XXYLT1: variants seen among roughly 807,000 people sequenced by gnomAD.
The protein encoded by XXYLT1 is UDP-xylose:alpha-xyloside alpha-1,3-xylosyltransferase.
XXYLT1 carries 20 observed loss-of-function variants against 28.9 expected under a neutral mutation model. That is an observed-to-expected ratio of 0.69 (90% CI 0.49 to 1.00). XXYLT1 has a LOEUF of 1.00. Among genes scored for constraint, XXYLT1 ranks in the 50% least tolerant of loss-of-function variants. The pLI, the probability that XXYLT1 is intolerant of heterozygous loss-of-function variation, is 0.00. For missense variants in XXYLT1, 542 were observed against 560.1 expected (o/e 0.97, Z 0.33); for synonymous variants, 257 against 253.8 (o/e 1.01, Z -0.12).
At chr3:195,203,326 A>G (rs781402886) in intron 2 of XXYLT1, among the ~76,000 whole-genome samples, 2 of 152,180 alleles carry the variant, frequency 1.3e-5, no homozygotes, top group Non-Finnish European at 2.9e-5. Context: ...ATGAAAGGAG[A>G]TCCAATTTCA....
In XXYLT1 at chr3:195,176,218, C is replaced by T. The variant is rs188753405; in HGVS notation, c.653-19637G>A. Reference sequence around the variant, plus strand: ...ACTACAGGTGTGTACCACCATGCCCCGCTAATTTCTGTATTTTTTGTAGAG... The same window carrying T: ...ACTACAGGTGTGTACCACCATGCCCTGCTAATTTCTGTATTTTTTGTAGAG... On this transcript the variant is annotated intron_variant, in intron 2 of 3. Coordinates refer to ENST00000310380, the MANE Select transcript of XXYLT1 (RefSeq NM_152531.5). The surrounding 1 kb of genome is among the most constrained non-coding windows in gnomAD (Gnocchi z 4.9). Among the ~76,000 whole-genome samples, 648 of 152,244 alleles carry T rather than the reference C, an allele frequency of 4.3e-3. 1 individual carries two copies. The highest frequency in any genetic ancestry group is 0.024 in the Middle Eastern group (7 of 294).
intron 3 of XXYLT1, among the ~76,000 whole-genome samples, chr3:195,140,238 C>G (rs1719413346): frequency 6.6e-6 from 1 of 152,202 alleles, no homozygotes; most frequent in Admixed American, 6.5e-5. Flanking sequence ...GGAATTATGG[C>G]CAAATCCCAG....
At chr3:195,096,132 CCA>C (rs1446407394) in intron 3 of XXYLT1, 1 of 152,338 alleles carries the variant, frequency 6.6e-6, no homozygotes, top group African/African-American at 2.4e-5. Flanking sequence ...CCACGGCTCT[CCA>C]CACACAGACA....
At chr3:195,110,270 TGGTGTGTGTGGG>T (rs1717493724) in intron 3 of XXYLT1, among the ~76,000 whole-genome samples, 2 of 30,908 alleles carry the variant, frequency 6.5e-5, no homozygotes, top group African/African-American at 2.4e-4. Context: ...TGTGGGTGTG[TGGTGTGTGTGGG>T]GTGTATGTGT....
Position 195,168,037 on chromosome 3 carries a change from T to C in XXYLT1, c.653-11456A>G, listed in dbSNP as rs1220467728. Among the ~76,000 whole-genome samples the C allele has an allele frequency of 1.3e-5, 2 of 152,216 alleles. No individual in the cohort carries two copies. The highest frequency in any genetic ancestry group is 2.9e-5 in the Non-Finnish European group (2 of 68,040). On this transcript the variant is annotated intron_variant, in intron 2 of 3. Transcript: ENST00000310380. The surrounding 1 kb of genome is among the most constrained non-coding windows in gnomAD (Gnocchi z 4.3). The stretch of plus-strand genomic sequence containing the variant: ...TTGTTTTTTTAAACAACTGTTGACA[T>C]GGGCTCTCCATTATTTCACAAAATA...
rs10642594 is a variant in XXYLT1 at position 195,176,961 on chromosome 3, T to TCCC, written c.653-20383_653-20381dup. 3.8e-4 allele frequency among the ~76,000 whole-genome samples: 58 copies of TCCC among 151,788 alleles called. No homozygotes were observed. The highest frequency in any genetic ancestry group is 1.4e-3 in the African/African-American group (57 of 41,430). ...CCCCGGCCTGCTGCCGCTGCTGACG[T>TCCC]CCCCCCGCCACAGCAGGTCGGGGAC... On this transcript the variant is annotated intron_variant, in intron 2 of 3. Transcript: ENST00000310380. This position sits in a 1 kb window ranked among gnomAD's most constrained non-coding sequence, Gnocchi z 4.9.
In XXYLT1 at chr3:195,159,652, G is replaced by A. The variant is rs139797941; in HGVS notation, c.653-3071C>T. ...CCAAGACCCTGTCACCATCATTGCC[G>A]TCACGGCCCTGGCAGCACTCCTCAG... On this transcript the variant is annotated intron_variant, in intron 2 of 3. Transcript: ENST00000310380. 2.2e-4 allele frequency among the ~76,000 whole-genome samples: 34 copies of A among 152,280 alleles called. No individual in the cohort carries two copies. The East Asian group carries it at 5.8e-3, about 26-fold the overall frequency.
At chr3:195,227,082 T>A (rs981018428) in intron 1 of XXYLT1, among the ~76,000 whole-genome samples, 1 of 151,806 alleles carries the variant, frequency 6.6e-6, no homozygotes, top group Non-Finnish European at 1.5e-5. Flanking sequence ...GTGTGAGGGG[T>A]GGCATGCAGG....
intron 3 of XXYLT1, among the ~76,000 whole-genome samples, chr3:195,119,003 C>A (rs1157595909): frequency 6.6e-6 from 1 of 151,990 alleles, no homozygotes. Flanking sequence ...TAAGCCCAGG[C>A]GCGGTGGCTC....
At chr3:195,085,276 G>A (rs948676858) in intron 3 of XXYLT1, among the ~76,000 whole-genome samples, 1 of 152,168 alleles carries the variant, frequency 6.6e-6, no homozygotes, top group African/African-American at 2.4e-5. Flanking sequence ...CACCCCTTCC[G>A]ACCTCTCCAA....
rs1463810024 is a variant in XXYLT1, at chr3:195,068,300, A to G, written c.*1415T>C. 1 of 152,148 alleles carries G rather than the reference A, an allele frequency of 6.6e-6. No individual in the cohort carries two copies. The highest frequency in any genetic ancestry group is 6.6e-5 in the Admixed American group (1 of 15,262). 9.4% of individuals were successfully genotyped at this position (152,148 alleles called of 1,614,324 possible). ...ATCACCATGTTCTCAAAGATGATTT[A>G]TTGGCTATCCTCACTCATGGGAAAA... On this transcript the variant is annotated 3_prime_UTR_variant, in exon 4 of 4. Coordinates refer to ENST00000310380, the MANE Select transcript of XXYLT1 (RefSeq NM_152531.5).
At chr3:195,172,682 G>A (rs1406815277) in intron 2 of XXYLT1, among the ~76,000 whole-genome samples, 8 of 152,152 alleles carry the variant, frequency 5.3e-5, no homozygotes, top group Non-Finnish European at 1.0e-4. Context: ...TAAGTGTTTC[G>A]GAGAAAATAA....
intron 2 of XXYLT1, among the ~76,000 whole-genome samples, chr3:195,182,627 C>T (rs985506227): frequency 1.1e-4 from 16 of 152,164 alleles, no homozygotes; most frequent in South Asian, 8.3e-4. Flanking sequence ...CTCCCCCACT[C>T]CCCTGAAACC....
chr3:195,073,322 G>A (rs1714932210), intron 3 of XXYLT1, among the ~76,000 whole-genome samples: 1 of 152,216 alleles, frequency 6.6e-6, no homozygotes, highest in African/African-American at 2.4e-5. Flanking sequence ...GGCAGTGAGT[G>A]TCCCAGACCC....
At chr3:195,110,461 T>TGGATGAGTGC (rs1717567587) in intron 3 of XXYLT1, among the ~76,000 whole-genome samples, 1 of 145,104 alleles carries the variant, frequency 6.9e-6, no homozygotes, top group Non-Finnish European at 1.5e-5. Flanking sequence ...GTGTGTGTGG[T>TGGATGAGTGC]GTGTGGGTGA....
At chr3:195,119,757 C>G (rs1718248896) in intron 3 of XXYLT1, among the ~76,000 whole-genome samples, 1 of 152,218 alleles carries the variant, frequency 6.6e-6, no homozygotes, top group African/African-American at 2.4e-5. Flanking sequence ...ACAAACATCA[C>G]AAACATCTTT....
intron 3 of XXYLT1, among the ~76,000 whole-genome samples, chr3:195,137,559 G>C (rs537916583): frequency 6.6e-6 from 1 of 152,314 alleles, no homozygotes; most frequent in African/African-American, 2.4e-5. Flanking sequence ...ATTCCTTCCT[G>C]CACAGCACAC....
chr3:195,070,771 G>A (rs1714757736), intron 3 of XXYLT1, among the ~76,000 whole-genome samples: 1 of 152,200 alleles, frequency 6.6e-6, no homozygotes, highest in African/African-American at 2.4e-5. Flanking sequence ...CAGAAAGGCT[G>A]GGCAGGGGCT....
chr3:195,122,426 TAGTAGTACAGCAGTACTG>T (rs1427052657), intron 3 of XXYLT1, among the ~76,000 whole-genome samples: 1 of 151,986 alleles, frequency 6.6e-6, no homozygotes, highest in Non-Finnish European at 1.5e-5. Flanking sequence ...TAGTACTGAG[TAGTAGTACAGCAGTACTG>T]AGTAGTACTA....
Sources: allele counts gnomAD v4.1 joint callset (sites outside exome capture counted in the v4.1 genomes callset), GRCh38; gene constraint gnomAD v4.1.1; non-coding constraint Gnocchi (gnomAD v3.1); transcripts MANE v1.5; gene names NCBI Gene and HGNC (gene_info 2026-07-23, HGNC 2026-07-21).